CACNA1C: variants seen among roughly 807,000 people sequenced by gnomAD.
CACNA1C encodes calcium voltage-gated channel subunit alpha1 C.
A neutral mutation model predicts 229.0 loss-of-function variants in CACNA1C; 30 were observed. That is an observed-to-expected ratio of 0.13 (90% confidence interval 0.10 to 0.18). CACNA1C has a LOEUF of 0.18. Among genes scored for constraint, CACNA1C ranks in the 10% least tolerant of loss-of-function variants. The pLI is 1.00. For synonymous variants in CACNA1C, 1,114 were observed against 1,132.5 expected (o/e 0.98, Z 0.33); for missense variants, 1,658 against 2,845.0 (o/e 0.58, Z 9.49).
At chr12:2,167,553 T>TG (rs1215457225) in intron 3 of CACNA1C, among the ~76,000 whole-genome samples, 1 of 152,212 alleles carries the variant, frequency 6.6e-6, no homozygotes, top group African/African-American at 2.4e-5. Flanking sequence ...ATCTCCTCCA[T>TG]GGGGGGCAGA....
At chr12:2,643,715 C>A (rs560603437) in intron 30 of CACNA1C, among the ~76,000 whole-genome samples, 30 of 152,222 alleles carry the variant, frequency 2.0e-4, no homozygotes, top group African/African-American at 4.3e-4. Flanking sequence ...GAGGATCCCC[C>A]CACACACACC....
At chr12:2,125,203 T>C (rs1225124772) in intron 3 of CACNA1C, among the ~76,000 whole-genome samples, 3 of 152,086 alleles carry the variant, frequency 2.0e-5, no homozygotes, top group Admixed American at 1.3e-4. Flanking sequence ...GTTTAAGATA[T>C]TCAAGAGGGG....
chr12:2,663,735 C>CTTTTTTTTT (rs55933898), intron 34 of CACNA1C, among the ~76,000 whole-genome samples: 1 of 103,850 alleles, frequency 9.6e-6, no homozygotes, highest in Non-Finnish European at 1.9e-5. Flanking sequence ...AATAGAGTAT[C>CTTTTTTTTT]TTTTTTTTTT....
intron 3 of CACNA1C, among the ~76,000 whole-genome samples, chr12:2,388,797 G>A (rs1171539814): frequency 2.6e-5 from 4 of 152,174 alleles, no homozygotes; most frequent in Non-Finnish European, 4.4e-5. Flanking sequence ...GGAGTTGGCA[G>A]TGTCTGTGGC....
chr12:2,658,006 A>G (rs1337932999), intron 34 of CACNA1C, among the ~76,000 whole-genome samples: 1 of 152,156 alleles, frequency 6.6e-6, no homozygotes, highest in African/African-American at 2.4e-5. Flanking sequence ...GAACACACAC[A>G]CACACACACA....
At chr12:2,496,984 T>C (rs1488315260) in intron 7 of CACNA1C, among the ~76,000 whole-genome samples, 1 of 152,208 alleles carries the variant, frequency 6.6e-6, no homozygotes, top group Non-Finnish European at 1.5e-5. Flanking sequence ...TCAGAGGCAG[T>C]GAAGCACCAA....
Position 2,364,442 on chromosome 12 carries a change from C to A in CACNA1C, c.478-84534C>A, listed in dbSNP as rs534910085. ...CACACTGTTGTAGAAACCTGTAAAC[C>A]CGGTGTGGCGGCCCAGTGCAGAGAC... On this transcript the variant is annotated intron_variant, in intron 3 of 46. Transcript: ENST00000399655. Among the ~76,000 whole-genome samples the A allele has an allele frequency of 3.3e-5, 5 of 152,228 alleles. No homozygotes were observed. The South Asian group carries it at 1.0e-3, about 32-fold the overall frequency.
chr12:2,353,972 G>T lies in CACNA1C; in HGVS notation c.478-95004G>T, dbSNP rs569509302. Among the ~76,000 whole-genome samples, 95 of 152,262 alleles carry T rather than the reference G, an allele frequency of 6.2e-4. 1 individual carries two copies. Among genetic ancestry groups the T allele is most frequent in the African/African-American group, 2.1e-3 (88 of 41,554 alleles). ...CAGGATGAGACGCTAGTCATGTTTG[G>T]GTGTGATTAATCTGGCCACTGTGTT... On this transcript the variant is annotated intron_variant, in intron 3 of 46. Coordinates refer to ENST00000399655, the MANE Select transcript of CACNA1C (RefSeq NM_000719.7).
chr12:2,139,854 C>G (rs1309601782), intron 3 of CACNA1C, among the ~76,000 whole-genome samples: 1 of 151,248 alleles, frequency 6.6e-6, no homozygotes, highest in East Asian at 1.9e-4. Context: ...TCCCAGGACA[C>G]AGCGGGCCTC....
Position 2,317,247 on chromosome 12 carries a change from G to A in CACNA1C, c.478-131729G>A, listed in dbSNP as rs113153040. Reference sequence around the variant, plus strand: ...TAGCATCACTCACAAAAGCCAAAACGTGAGAGAAACCCAAGTGTCCTTGGA... The same window carrying A: ...TAGCATCACTCACAAAAGCCAAAACATGAGAGAAACCCAAGTGTCCTTGGA... On this transcript the variant is annotated intron_variant, in intron 3 of 46. Coordinates refer to ENST00000399655, the MANE Select transcript of CACNA1C (RefSeq NM_000719.7). Among the ~76,000 whole-genome samples the A allele has an allele frequency of 3.5e-3, 532 of 152,304 alleles. 1 individual carries two copies. Among genetic ancestry groups the A allele is most frequent in the African/African-American group, 7.3e-3 (303 of 41,556 alleles).
chr12:2,436,625 C>T lies in CACNA1C; in HGVS notation c.478-12351C>T, dbSNP rs567275414. ...CAGCATTTGTCTTCCAGTGTCTGCA[C>T]GCTACTGCCTTTTCCACCCAGGCAG... On this transcript the variant is annotated intron_variant, in intron 3 of 46. Transcript: ENST00000399655. 3.3e-5 allele frequency among the ~76,000 whole-genome samples: 5 copies of T among 152,294 alleles called. No homozygotes were observed. In the South Asian group the frequency reaches 6.2e-4, roughly 19 times the overall value.
intron 3 of CACNA1C, among the ~76,000 whole-genome samples, chr12:2,298,557 A>G (rs563610003): frequency 5.3e-5 from 8 of 152,178 alleles, no homozygotes; most frequent in African/African-American, 1.9e-4. Flanking sequence ...TCGGCCTCCC[A>G]GAGTGCTGGG....
chr12:2,468,756 A>G (rs2099574013), intron 5 of CACNA1C, among the ~76,000 whole-genome samples: 1 of 152,206 alleles, frequency 6.6e-6, no homozygotes, highest in African/African-American at 2.4e-5. Flanking sequence ...ATGGGGTGGG[A>G]GGCACTCCGG....
chr12:2,037,197 G>A (rs1325883225), intron 1 of CACNA1C, among the ~76,000 whole-genome samples: 3 of 152,114 alleles, frequency 2.0e-5, no homozygotes, highest in African/African-American at 4.8e-5. Context: ...GCCAACGACT[G>A]GATCACATCA....
At chr12:2,187,104 A>G (rs1003122494) in intron 3 of CACNA1C, among the ~76,000 whole-genome samples, 3 of 152,120 alleles carry the variant, frequency 2.0e-5, no homozygotes, top group South Asian at 2.1e-4. Flanking sequence ...GTTATCTTAC[A>G]TTTGTGTACC....
intron 1 of CACNA1C, among the ~76,000 whole-genome samples, chr12:2,065,502 G>T (rs1376207029): frequency 4.6e-5 from 5 of 107,766 alleles, no homozygotes; most frequent in Non-Finnish European, 9.1e-5. Context: ...AGGATCTCTG[G>T]ATTCAAGGGT....
chr12:2,007,946 AT>A (rs1351681260), intron 1 of CACNA1C, among the ~76,000 whole-genome samples: 2 of 151,958 alleles, frequency 1.3e-5, no homozygotes, highest in African/African-American at 4.8e-5. Flanking sequence ...TTACATATAC[AT>A]TTTTTTCCAA....
At chr12:2,172,257 A>G (rs1566126605) in intron 3 of CACNA1C, among the ~76,000 whole-genome samples, 2 of 152,150 alleles carry the variant, frequency 1.3e-5, no homozygotes, top group African/African-American at 2.4e-5. Context: ...GGAGAACCAA[A>G]GGCCTGCTCC....
intron 9 of CACNA1C, among the ~76,000 whole-genome samples, chr12:2,516,385 C>T (rs1019997380): frequency 6.6e-6 from 1 of 152,074 alleles, no homozygotes; most frequent in African/African-American, 2.4e-5. Flanking sequence ...AACCAAAGAG[C>T]CTCTGGGTAT....
Sources: gnomAD v4.1 joint callset for allele counts (sites outside exome capture counted in the v4.1 genomes callset) on GRCh38, gnomAD v4.1.1 for gene constraint, MANE v1.5 for transcripts, NCBI Gene and HGNC (gene_info 2026-07-23, HGNC 2026-07-21) for gene names.